The following ZFAT variants were observed in gnomAD, a reference collection of about 807,000 sequenced individuals.
ZFAT encodes zinc finger and AT-hook domain containing.
In ZFAT, 64 loss-of-function variants were observed where a neutral mutation model predicts 117.7. That is an observed-to-expected ratio of 0.54 (90% CI 0.44 to 0.67). The LOEUF (loss-of-function observed/expected upper bound fraction) is 0.67. Among genes scored for constraint, ZFAT ranks in the 30% least tolerant of loss-of-function variants. ZFAT has a pLI of 0.00. For missense variants in ZFAT, 1,433 were observed against 1,584.5 expected (o/e 0.90, Z 1.62); for synonymous variants, 679 against 615.0 (o/e 1.10, Z -1.54).
chr8:134,593,201 G>T (rs117535208), intron 7 of ZFAT, among the ~76,000 whole-genome samples: 1 of 152,192 alleles, frequency 6.6e-6, no homozygotes, highest in African/African-American at 2.4e-5. Context: ...GGAGTTTACG[G>T]TGATCTCCCC....
the ZFAT span, among the ~76,000 whole-genome samples, chr8:134,828,015 A>T: frequency 6.6e-6 from 1 of 152,204 alleles, no homozygotes; most frequent in African/African-American, 2.4e-5. Context: ...AAACTGCAGT[A>T]GTATACTCAC....
intron 7 of ZFAT, among the ~76,000 whole-genome samples, chr8:134,595,516 G>A (rs1826859412): frequency 6.6e-6 from 1 of 152,166 alleles, no homozygotes; most frequent in Non-Finnish European, 1.5e-5. Flanking sequence ...AGATCACAGA[G>A]ACAGATACGG....
At chr8:134,767,335 G>A in the ZFAT span, 1 of 152,160 alleles carries the variant, frequency 6.6e-6, no homozygotes, top group African/African-American at 2.4e-5. Flanking sequence ...TTTGCTTCAT[G>A]GGTTTTGGAG....
intron 1 of ZFAT, among the ~76,000 whole-genome samples, chr8:134,671,941 G>C (rs577949581): frequency 6.6e-6 from 1 of 152,324 alleles, no homozygotes; most frequent in East Asian, 1.9e-4. Flanking sequence ...AAGATCACAA[G>C]CATTCTTATA....
chr8:134,673,620 T>G (rs1254391492), intron 1 of ZFAT: 4 of 152,620 alleles, frequency 2.6e-5, no homozygotes, highest in African/African-American at 9.6e-5. Context: ...TTCTATGATG[T>G]GTTCTGTCTG....
intron 11 of ZFAT, among the ~76,000 whole-genome samples, chr8:134,546,819 T>C (rs1211691648): frequency 2.0e-5 from 3 of 152,232 alleles, no homozygotes; most frequent in Admixed American, 1.3e-4. Context: ...CTGGAGCTAA[T>C]GTAAACAGAG....
chr8:134,610,713 A>C, intron 3 of ZFAT, 58 bp from the exon 4 acceptor site: 1 of 1,581,882 alleles, frequency 6.3e-7, no homozygotes. Context: ...GCAGAGTTGG[A>C]GGGTAAACAC....
chr8:134,622,146 G>A (rs1402709391), intron 3 of ZFAT, among the ~76,000 whole-genome samples: 1 of 152,166 alleles, frequency 6.6e-6, no homozygotes, highest in Middle Eastern at 3.2e-3. Flanking sequence ...TCAGGCCTGA[G>A]GTTGGGATGA....
At chr8:134,673,955 T>C (rs941556204) in intron 1 of ZFAT, among the ~76,000 whole-genome samples, 7 of 152,228 alleles carry the variant, frequency 4.6e-5, no homozygotes, top group Non-Finnish European at 8.8e-5. Context: ...CTACTAAAAA[T>C]AGAAAAAACT....
At chr8:134,545,691 C>T (rs1448545161) in intron 11 of ZFAT, among the ~76,000 whole-genome samples, 1 of 152,188 alleles carries the variant, frequency 6.6e-6, no homozygotes, top group African/African-American at 2.4e-5. Context: ...ATTACTTTTG[C>T]ACCAACCTAA....
At chr8:134,714,188 T>C (rs1355134666), upstream of ZFAT, among the ~76,000 whole-genome samples, 1 of 143,018 alleles carries the variant, frequency 7.0e-6, no homozygotes, top group Non-Finnish European at 1.5e-5. Context: ...TGTTCATGGT[T>C]CCCCTGAAAT....
At chr8:134,538,692 G>A (rs1822022661) in intron 11 of ZFAT, among the ~76,000 whole-genome samples, 1 of 151,748 alleles carries the variant, frequency 6.6e-6, no homozygotes, top group African/African-American at 2.4e-5. Flanking sequence ...AGCTACTTGT[G>A]GGGTTGAGGC....
At chr8:134,786,840 C>CTTTTTTTT in the ZFAT span, among the ~76,000 whole-genome samples, 1 of 137,062 alleles carries the variant, frequency 7.3e-6, no homozygotes, top group Non-Finnish European at 1.6e-5. Context: ...TGATATCAAG[C>CTTTTTTTT]TTTTTTTTTT....
chr8:134,620,524 T>C (rs1188270232), intron 3 of ZFAT, among the ~76,000 whole-genome samples: 1 of 152,252 alleles, frequency 6.6e-6, no homozygotes, highest in Non-Finnish European at 1.5e-5. Context: ...AGTGATTCTC[T>C]GTGCTATGAA....
At chr8:134,634,650 G>A (rs1403699995) in intron 3 of ZFAT, among the ~76,000 whole-genome samples, 1 of 152,114 alleles carries the variant, frequency 6.6e-6, no homozygotes, top group East Asian at 1.9e-4. Flanking sequence ...GTGAAAAATT[G>A]ATAAAAACCT....
At chr8:134,542,403 G>A (rs1218008258) in intron 11 of ZFAT, among the ~76,000 whole-genome samples, 4 of 152,128 alleles carry the variant, frequency 2.6e-5, no homozygotes, top group Non-Finnish European at 5.9e-5. Flanking sequence ...TTTTGTTACC[G>A]GGTAATTAGC....
In ZFAT at chr8:134,532,879, T is replaced by C. The variant is rs1821528238; in HGVS notation, c.3070A>G (p.Asn1024Asp). 6.2e-7 allele frequency: 1 copy of C among 1,610,016 alleles called. No individual in the cohort carries two copies. Among genetic ancestry groups the C allele is most frequent in the East Asian group, 2.2e-5 (1 of 44,820 alleles). ...GCTGCCAGCTCCCCGGTGCCCACGT[T>C]GGCATACTCCTCATTAGGGTGCTTC... is the stretch of plus-strand genomic sequence containing the variant. ...NRKHPNEEYANVGTGELAAEV... is the reference protein window; with the variant it reads ...NRKHPNEEYADVGTGELAAEV... The change falls in exon 12 of 16, where the codon AAC (asparagine) becomes GAC (aspartate). Residue 1024 changes from asparagine (N) to aspartate (D), a missense_variant. Asn to Asp is a conservative substitution (Grantham distance 23). This residue lies in a region of ZFAT where 503 missense variants were observed against 543.4 expected (regional missense o/e 0.93). Coordinates refer to ENST00000377838, the MANE Select transcript of ZFAT (RefSeq NM_020863.4).
chr8:134,502,484 C>T (rs1819066790), intron 15 of ZFAT, among the ~76,000 whole-genome samples: 2 of 152,330 alleles, frequency 1.3e-5, no homozygotes, highest in South Asian at 4.1e-4. Context: ...CAATTCCAAC[C>T]CTGGCTGGCA....
intron 10 of ZFAT, among the ~76,000 whole-genome samples, chr8:134,571,900 G>A (rs1456055306): frequency 6.6e-6 from 1 of 152,178 alleles, no homozygotes; most frequent in East Asian, 1.9e-4. Flanking sequence ...TTTTGGAAAG[G>A]AAGTTGGCAG....
Sources: gnomAD v4.1 joint callset for allele counts (sites outside exome capture counted in the v4.1 genomes callset) on GRCh38, gnomAD v4.1.1 for gene constraint, gnomAD v4.1.1 regional missense constraint, MANE v1.5 for transcripts, NCBI Gene and HGNC (gene_info 2026-07-23, HGNC 2026-07-21) for gene names.